Variants in GRIN2A observed in about 807,000 individuals in gnomAD.
GRIN2A encodes glutamate ionotropic receptor NMDA type subunit 2A, also known as glutamate receptor ionotropic, NMDA 2A.
Under a neutral mutation model 113.4 loss-of-function variants are expected in GRIN2A, and 22 were observed. The ratio of observed to expected loss-of-function variants is 0.19; its 90% CI spans 0.14 to 0.28. The LOEUF (loss-of-function observed/expected upper bound fraction) is 0.28, where lower values mean the gene tolerates loss of function less well. Among genes scored for constraint, GRIN2A ranks in the 10% least tolerant of loss-of-function variants. The pLI is 1.00. For missense variants in GRIN2A, 1,502 were observed against 1,887.0 expected (o/e 0.80, Z 3.78); for synonymous variants, 827 against 738.4 (o/e 1.12, Z -1.94).
At chr16:9,938,625 GAAGT>G (rs908628464) in intron 2 of GRIN2A, 74 bp from the exon 3 acceptor site, 9 of 1,014,240 alleles carry the variant, frequency 8.9e-6, no homozygotes, top group African/African-American at 7.8e-5. Flanking sequence ...CTGCGTCCTA[GAAGT>G]AAGGAAAGTA....
intron 4 of GRIN2A, among the ~76,000 whole-genome samples, chr16:9,866,095 C>T (rs759853089): frequency 5.9e-5 from 9 of 152,178 alleles, no homozygotes; most frequent in Non-Finnish European, 1.0e-4. Context: ...TCAACCCCTG[C>T]TCTAAGTCCT....
chr16:9,791,634 G>T (rs1286484003), intron 11 of GRIN2A, among the ~76,000 whole-genome samples: 2 of 152,196 alleles, frequency 1.3e-5, no homozygotes, highest in African/African-American at 2.4e-5. Context: ...CAAGGGCAGT[G>T]TTGAGGATAT....
intron 2 of GRIN2A, among the ~76,000 whole-genome samples, chr16:10,141,127 G>A (rs750911276): frequency 6.6e-5 from 10 of 152,062 alleles, no homozygotes; most frequent in Non-Finnish European, 1.5e-4. Flanking sequence ...CCCGGAGGGT[G>A]AGGCTGGAGT....
At chr16:9,782,260 A>G (rs1209784332) in intron 11 of GRIN2A, among the ~76,000 whole-genome samples, 1 of 152,164 alleles carries the variant, frequency 6.6e-6, no homozygotes, top group African/African-American at 2.4e-5. Context: ...GATCGCATTT[A>G]TATTGCATTA....
intron 2 of GRIN2A, among the ~76,000 whole-genome samples, chr16:10,048,754 G>T (rs539016821): frequency 0.01 from 762 of 75,036 alleles, 11 homozygotes; most frequent in African/African-American, 0.032. Flanking sequence ...GCCTCCCTTG[G>T]GCTGGTGCCA....
At chr16:9,879,980 T>C (rs2043445092) in intron 4 of GRIN2A, among the ~76,000 whole-genome samples, 1 of 152,198 alleles carries the variant, frequency 6.6e-6, no homozygotes. Context: ...AAAAGATTTG[T>C]ACTAGTCTGT....
intron 2 of GRIN2A, among the ~76,000 whole-genome samples, chr16:10,159,164 C>A (rs371916558): frequency 6.6e-6 from 1 of 152,146 alleles, no homozygotes; most frequent in Non-Finnish European, 1.5e-5. Context: ...GTCCTCGGAT[C>A]CCTGCCTGCA....
chr16:10,138,619 G>A (rs149767653), intron 2 of GRIN2A, among the ~76,000 whole-genome samples: 2 of 152,206 alleles, frequency 1.3e-5, no homozygotes, highest in African/African-American at 4.8e-5. Flanking sequence ...TGAGATTTGG[G>A]TGGGGACGCA....
At position 9,764,797 on chromosome 16, in the gene GRIN2A, T is replaced by C. The variant is rs758542448; in HGVS notation, c.2747A>G (p.Asp916Gly). 2 of 1,614,148 alleles carry C rather than the reference T, an allele frequency of 1.2e-6. No homozygotes were observed. Among genetic ancestry groups the C allele is most frequent in the East Asian group, 4.5e-5 (2 of 44,874 alleles). Residue 916 changes from aspartate to glycine, a missense_variant, in exon 13 of 13, where the codon GAC becomes GGC. This residue lies in a region of GRIN2A where 832 missense variants were observed against 789.7 expected (regional missense o/e 1.05). Coordinates refer to ENST00000330684, the MANE Select transcript of GRIN2A (RefSeq NM_001134407.3). Reference protein sequence around the residue: ...SMSNMNSSRMDSPKRAADFIQ... With the variant: ...SMSNMNSSRMGSPKRAADFIQ... ...GAAGTCAGCAGCTCTTTTGGGTGAG[T>C]CCATTCTTGAGGAGTTCATGTTGGA...
intron 2 of GRIN2A, chr16:10,121,253 C>A (rs2048827318): frequency 1.3e-5 from 2 of 152,376 alleles, no homozygotes; most frequent in South Asian, 4.1e-4. Flanking sequence ...ACTTCCAAGA[C>A]CCAGGAGGTC....
In GRIN2A at chr16:9,761,293, G is replaced by A. The variant is rs544871008; in HGVS notation, c.*1856C>T. On this transcript the variant is annotated 3_prime_UTR_variant, in exon 13 of 13. Coordinates refer to ENST00000330684, the MANE Select transcript of GRIN2A (RefSeq NM_001134407.3). ...GAAAATAATACTTACAAAACAGAACGCACACCATGAGGAGAAGAAATGGGA... is the reference window on the plus strand; with the variant it reads ...GAAAATAATACTTACAAAACAGAACACACACCATGAGGAGAAGAAATGGGA... 3.2e-4 allele frequency: 74 copies of A among 229,064 alleles called. No homozygotes were observed. The highest frequency in any genetic ancestry group is 1.0e-3 in the African/African-American group (45 of 45,204). The allele number at this position is 229,064 out of a possible 1,614,324, so 14.2% of individuals were successfully genotyped here.
At chr16:10,000,359 G>GT (rs145830963) in intron 2 of GRIN2A, among the ~76,000 whole-genome samples, 2 of 151,680 alleles carry the variant, frequency 1.3e-5, no homozygotes, top group African/African-American at 2.4e-5. Context: ...GAGAAAGAAA[G>GT]TTTTTTTTTC....
Position 9,764,089 on chromosome 16 carries a change from T to G in GRIN2A, c.3455A>C (p.Gln1152Pro), listed in dbSNP as rs1268024101. ...CTTGCGGAAGTTTTCACTGGGATCC[T>G]GGTAGGGGTCCGGGAAGTCCACGTT... ...PENVDFPDPYQDPSENFRKGD... is the reference protein window; with the variant it reads ...PENVDFPDPYPDPSENFRKGD... Residue 1152 changes from glutamine (Q) to proline (P), a missense_variant, in exon 13 of 13, where the codon CAG (glutamine) becomes CCG (proline). Gln to Pro is a moderately conservative substitution (Grantham distance 76, BLOSUM62 -1). Around this residue, in one of 7 missense-constraint regions of GRIN2A, gnomAD observed 832 missense variants for 789.7 expected, o/e 1.05. Transcript: ENST00000330684. 3.7e-6 allele frequency: 6 copies of G among 1,613,452 alleles called. No homozygotes were observed. Among genetic ancestry groups the G allele is most frequent in the South Asian group, 2.2e-5 (2 of 91,058 alleles).
chr16:9,907,051 A>C (rs1596567724), intron 3 of GRIN2A, among the ~76,000 whole-genome samples: 1 of 152,144 alleles, frequency 6.6e-6, no homozygotes, highest in African/African-American at 2.4e-5. Context: ...GGACTCGAGC[A>C]ATCTGCCCAC....
chr16:9,850,359 C>T (rs899924579), intron 4 of GRIN2A, among the ~76,000 whole-genome samples: 2 of 152,178 alleles, frequency 1.3e-5, no homozygotes, highest in African/African-American at 4.8e-5. Context: ...ACTAGGCAAG[C>T]TCTTAATCCT....
Position 9,959,830 on chromosome 16 carries a change from T to G in GRIN2A, c.415-21279A>C, listed in dbSNP as rs533404517. Among the ~76,000 whole-genome samples the G allele has an allele frequency of 5.8e-4, 89 of 152,226 alleles. 1 individual carries two copies. The highest frequency in any genetic ancestry group is 1.0e-3 in the Non-Finnish European group (68 of 68,006). ...CTCTACTAAAAATACAAAAACTACC[T>G]GGGCGTGGTGGCGCATGCCTGTGAT... On this transcript the variant is annotated intron_variant, in intron 2 of 12. Coordinates refer to ENST00000330684, the MANE Select transcript of GRIN2A (RefSeq NM_001134407.3).
chr16:9,945,423 C>A (rs79100984), intron 2 of GRIN2A, among the ~76,000 whole-genome samples: 2,661 of 152,174 alleles, frequency 0.017, 36 homozygotes, highest in Non-Finnish European at 0.024. Flanking sequence ...AAAGTCAGAA[C>A]AGCTGAAGTT....
intron 2 of GRIN2A, among the ~76,000 whole-genome samples, chr16:10,155,610 A>T (rs192048613): frequency 6.6e-6 from 1 of 152,210 alleles, no homozygotes; most frequent in African/African-American, 2.4e-5. Context: ...AGAGCTCTGT[A>T]TTAGTCTGTT....
chr16:10,167,287 A>T (rs2049945262), intron 2 of GRIN2A, among the ~76,000 whole-genome samples: 1 of 151,956 alleles, frequency 6.6e-6, no homozygotes, highest in Non-Finnish European at 1.5e-5. Context: ...GTGGTCCCCA[A>T]CTCCCCCCAA....
Sources: gnomAD v4.1 joint callset for allele counts (sites outside exome capture counted in the v4.1 genomes callset) on GRCh38, gnomAD v4.1.1 for gene constraint, gnomAD v4.1.1 regional missense constraint, MANE v1.5 for transcripts, NCBI Gene and HGNC (gene_info 2026-07-23, HGNC 2026-07-21) for gene names.